RRM1: variants seen among roughly 807,000 people sequenced by gnomAD.
The protein encoded by RRM1 is ribonucleoside-diphosphate reductase large subunit.
Under a neutral mutation model 101.5 loss-of-function variants are expected in RRM1, and 19 were observed. The observed-to-expected ratio is 0.19, with a 90% CI of 0.13 to 0.27. RRM1 has a LOEUF of 0.27. Among genes scored for constraint, RRM1 ranks in the 10% least tolerant of loss-of-function variants. The pLI is 1.00. For missense variants in RRM1, 500 were observed against 962.9 expected, an observed-to-expected ratio of 0.52 and a Z score of 6.36; for synonymous variants, 298 against 323.4, an observed-to-expected ratio of 0.92 and a Z score of 0.84.
chr11:4,130,586 C>T (rs779517633), intron 15 of RRM1, among the ~76,000 whole-genome samples: 5 of 152,030 alleles, frequency 3.3e-5, no homozygotes, highest in Non-Finnish European at 5.9e-5. Flanking sequence ...ATCCCAGCTA[C>T]TTGGGAGGCT....
chr11:4,095,053 C>A, intron 1 of RRM1, 22 bp downstream of exon 1: 6 of 1,565,318 alleles, frequency 3.8e-6, no homozygotes, highest in African/African-American at 1.4e-5. Flanking sequence ...ACGAGGTGGG[C>A]GAGAAGGAAG....
intron 1 of RRM1, among the ~76,000 whole-genome samples, chr11:4,101,734 T>C (rs558968541): frequency 1.3e-5 from 2 of 152,264 alleles, no homozygotes; most frequent in Admixed American, 1.3e-4. Context: ...AAAGGGTAAT[T>C]TTGGCTGCCA....
At chr11:4,102,554 A>G (rs1369352691) in intron 2 of RRM1, among the ~76,000 whole-genome samples, 1 of 151,404 alleles carries the variant, frequency 6.6e-6, no homozygotes, top group Non-Finnish European at 1.5e-5. Flanking sequence ...GCTACTTGGG[A>G]GGCAGGAGAA....
chr11:4,112,049 C>A lies in RRM1; in HGVS notation c.637C>A (p.Pro213Thr). The A allele has an allele frequency of 6.2e-7, 1 of 1,613,036 alleles. No individual in the cohort carries two copies. The highest frequency in any genetic ancestry group is 8.5e-7 in the Non-Finnish European group (1 of 1,179,422). The part of the protein sequence containing the change: ...PTLFNAGTNR[P>T]QLSSCFLLSM... ...TCTCTTCAATGCTGGTACCAACCGCCCACAACTTTCTAGGTAGGTGTTTTG... is the reference window on the plus strand; with the variant it reads ...TCTCTTCAATGCTGGTACCAACCGCACACAACTTTCTAGGTAGGTGTTTTG... Residue 213 changes from proline (P) to threonine (T), a missense_variant, in exon 7 of 19, where the codon CCA becomes ACA. Pro to Thr is a conservative substitution (Grantham distance 38). Around this residue, in one of 9 missense-constraint regions of RRM1, gnomAD observed 111 missense variants for 219.8 expected, o/e 0.51. Transcript: ENST00000300738.
At chr11:4,116,270 G>T (rs1330523043) in intron 7 of RRM1, 1 of 152,312 alleles carries the variant, frequency 6.6e-6, no homozygotes, top group Non-Finnish European at 1.5e-5. Context: ...GTCCGAGGTG[G>T]CGATCGCCAT....
intron 2 of RRM1, among the ~76,000 whole-genome samples, chr11:4,103,453 A>C (rs1048513986): frequency 2.0e-5 from 3 of 151,674 alleles, no homozygotes; most frequent in Non-Finnish European, 4.4e-5. Context: ...TGTAGGGAGA[A>C]GCACCTAGGT....
At position 4,138,887 on chromosome 11, in the gene RRM1, T is replaced by C; in HGVS notation, c.*504T>C. ...AACATTTCTAAGTGATTGTATGAGATTAATTTTGTCATTTACTTTCATATA... is the reference window on the plus strand; with the variant it reads ...AACATTTCTAAGTGATTGTATGAGACTAATTTTGTCATTTACTTTCATATA... On this transcript the variant is annotated 3_prime_UTR_variant, in exon 19 of 19. Transcript: ENST00000300738. The C allele has an allele frequency of 5.5e-6, 1 of 181,954 alleles. No homozygotes were observed. Among genetic ancestry groups the C allele is most frequent in the Non-Finnish European group, 1.2e-5 (1 of 85,276 alleles). The allele number at this position is 181,954 out of a possible 1,614,324, so 11.3% of individuals were successfully genotyped here.
At chr11:4,110,924 A>G (rs989567786) in intron 5 of RRM1, among the ~76,000 whole-genome samples, 3 of 152,104 alleles carry the variant, frequency 2.0e-5, no homozygotes, top group African/African-American at 7.2e-5. Flanking sequence ...TAACGAGTGT[A>G]TATGTTGCTT....
chr11:4,127,894 ACTTAG>A lies in RRM1; in HGVS notation c.1692+646_1692+650del, dbSNP rs544740315. Among the ~76,000 whole-genome samples the A allele has an allele frequency of 6.6e-5, 10 of 152,286 alleles. No homozygotes were observed. In the South Asian group the frequency reaches 2.1e-3, roughly 32 times the overall value. On this transcript the variant is annotated intron_variant, in intron 14 of 18. Coordinates refer to ENST00000300738, the MANE Select transcript of RRM1 (RefSeq NM_001033.5). ...CAGTTTCCACAGGTCAGGAGTCCAG[ACTTAG>A]CTTAGCTGGGCCTTCTTTTCTGGGT...
At chr11:4,095,103 AGACCG>A in intron 1 of RRM1, 72 bp downstream of exon 1, 1 of 1,341,252 alleles carries the variant, frequency 7.5e-7, no homozygotes, top group Non-Finnish European at 1.0e-6. Flanking sequence ...GCTGATGCCC[AGACCG>A]CCCGCCCGCC....
Position 4,122,195 on chromosome 11 carries a change from G to C in RRM1, c.1093G>C (p.Glu365Gln). The C allele has an allele frequency of 1.2e-6, 2 of 1,611,742 alleles. No individual in the cohort carries two copies. Among genetic ancestry groups the C allele is most frequent in the Non-Finnish European group, 1.7e-6 (2 of 1,178,354 alleles). Residue 365 changes from glutamate to glutamine, a missense_variant, in exon 11 of 19, where the codon GAG (glutamate) becomes CAG (glutamine). Glu to Gln is a conservative substitution (Grantham distance 29, BLOSUM62 2). Transcript: ENST00000300738. ...TCCTGGTCTGGATGAGGTTTGGGGA[G>C]AGGAATTTGAGAAACTATATGCAAG... ...ECPGLDEVWG[E>Q]EFEKLYASYE...
chr11:4,136,192 C>T (rs1413453094), intron 18 of RRM1, among the ~76,000 whole-genome samples: 1 of 151,372 alleles, frequency 6.6e-6, no homozygotes, highest in Admixed American at 6.6e-5. Context: ...AAAGTTTGAT[C>T]TGGTTCATGG....
chr11:4,106,957 G>A (rs1268384935), intron 3 of RRM1, among the ~76,000 whole-genome samples: 2 of 151,598 alleles, frequency 1.3e-5, no homozygotes, highest in African/African-American at 4.8e-5. Flanking sequence ...GCAATGGTGT[G>A]ATTTCGGCTC....
chr11:4,098,384 CCCCT>C (rs1214602346), intron 1 of RRM1, among the ~76,000 whole-genome samples: 4 of 138,118 alleles, frequency 2.9e-5, no homozygotes, highest in African/African-American at 1.1e-4. Context: ...CTCCCTCCCT[CCCCT>C]CCCTCTCCCC....
chr11:4,122,892 A>T (rs950400413), intron 11 of RRM1, among the ~76,000 whole-genome samples: 1 of 151,882 alleles, frequency 6.6e-6, no homozygotes, highest in Non-Finnish European at 1.5e-5. Context: ...AAAAGGAAAA[A>T]AATTTAGCAC....
intron 2 of RRM1, 148 bp downstream of exon 2, chr11:4,102,229 T>C (rs1370278766): frequency 2.0e-6 from 1 of 508,996 alleles, no homozygotes; most frequent in African/African-American, 2.3e-5. Flanking sequence ...GCTTAAAACA[T>C]TTTTTTTTCC....
In RRM1 at chr11:4,132,446, C is replaced by T; in HGVS notation, c.1905+25C>T. 6.2e-7 allele frequency: 1 copy of T among 1,611,714 alleles called. No homozygotes were observed. Among genetic ancestry groups the T allele is most frequent in the Non-Finnish European group, 8.5e-7 (1 of 1,178,546 alleles). Reference sequence around the variant, plus strand: ...GGTGAGCAGTTCACAACCAGCCTTACAGGGAGATCTTTCAAAAGCCTGATG... The same window carrying T: ...GGTGAGCAGTTCACAACCAGCCTTATAGGGAGATCTTTCAAAAGCCTGATG... On this transcript the variant is annotated intron_variant, in intron 16 of 18. Transcript: ENST00000300738. The surrounding 1 kb of genome is among the most constrained non-coding windows in gnomAD (Gnocchi z 4.1).
chr11:4,128,152 C>G (rs1296615177), intron 14 of RRM1, among the ~76,000 whole-genome samples: 2 of 150,172 alleles, frequency 1.3e-5, no homozygotes, highest in South Asian at 2.1e-4. Flanking sequence ...TCACCACCCC[C>G]CTGTCCCGCT....
chr11:4,119,674 G>T, intron 8 of RRM1, 171 bp from the exon 9 acceptor site: 2 of 589,402 alleles, frequency 3.4e-6, no homozygotes, highest in African/African-American at 1.9e-5. Flanking sequence ...TCAACATTTT[G>T]TTGATTTTAT....
Sources: allele counts gnomAD v4.1 joint callset (sites outside exome capture counted in the v4.1 genomes callset), GRCh38; gene constraint gnomAD v4.1.1; regional missense constraint gnomAD v4.1.1; non-coding constraint Gnocchi (gnomAD v3.1); transcripts MANE v1.5; gene names NCBI Gene and HGNC (gene_info 2026-07-23, HGNC 2026-07-21).